The following NAV3 variants were observed in gnomAD, a reference collection of about 807,000 sequenced individuals.
The protein encoded by NAV3 is neuron navigator 3.
NAV3 carries 87 observed loss-of-function variants against 244.7 expected under a neutral mutation model. The ratio of observed to expected loss-of-function variants is 0.36; its 90% CI spans 0.30 to 0.42. NAV3 has a LOEUF of 0.42. NAV3 is among the 20% of genes least tolerant of loss of function. NAV3 has a pLI of 1.00. For synonymous variants in NAV3, 1,126 were observed against 1,042.2 expected (o/e 1.08, Z -1.55); for missense variants, 2,663 against 2,893.3 (o/e 0.92, Z 1.83).
Position 78,177,260 on chromosome 12 carries a change from T to C in NAV3, c.5244T>C (p.His1748=). 2 of 1,613,592 alleles carry C rather than the reference T, an allele frequency of 1.2e-6. No homozygotes were observed. The highest frequency in any genetic ancestry group is 1.3e-5 in the African/African-American group (1 of 75,010). Residue 1748 remains histidine (H), a synonymous_variant, in exon 27 of 40, where the codon CAT becomes CAC. Coordinates refer to ENST00000397909, the MANE Select transcript of NAV3 (RefSeq NM_001024383.2). The part of the protein sequence containing the change: ...SSLPASPKLP[H]NAGDCGSASM... ...TTCCGGCATCCCCCAAGTTACCCCA[T>C]AATGCTGGTGACTGTGGCTCAGCAT...
intron 2 of NAV3, among the ~76,000 whole-genome samples, chr12:77,626,368 A>G (rs919299121): frequency 1.3e-5 from 2 of 152,146 alleles, no homozygotes; most frequent in Non-Finnish European, 2.9e-5. Flanking sequence ...AAGAAGAGAG[A>G]AGGGCATAGA....
intron 22 of NAV3, among the ~76,000 whole-genome samples, chr12:78,150,590 T>C (rs999483718): frequency 6.6e-6 from 1 of 151,104 alleles, no homozygotes; most frequent in Non-Finnish European, 1.5e-5. Context: ...TATTATATGC[T>C]AATGTGTATA....
chr12:77,770,521 C>T (rs1870024815), intron 2 of NAV3, among the ~76,000 whole-genome samples: 1 of 152,158 alleles, frequency 6.6e-6, no homozygotes, highest in South Asian at 2.1e-4. Context: ...GAAATAGACT[C>T]AGAAAGCTGA....
At chr12:78,116,258 A>T (rs1955371815) in intron 12 of NAV3, among the ~76,000 whole-genome samples, 1 of 152,188 alleles carries the variant, frequency 6.6e-6, no homozygotes, top group South Asian at 2.1e-4. Context: ...ATGAATCTCA[A>T]TATTCTTGGT....
intron 2 of NAV3, among the ~76,000 whole-genome samples, chr12:77,702,092 GT>G (rs1162561030): frequency 6.6e-6 from 1 of 151,790 alleles, no homozygotes. Context: ...AGTTATTAAT[GT>G]TTCCCTTTAT....
chr12:77,778,012 G>T (rs1046178461), intron 2 of NAV3, among the ~76,000 whole-genome samples: 2 of 151,920 alleles, frequency 1.3e-5, no homozygotes, highest in African/African-American at 4.8e-5. Context: ...CACCATGTTG[G>T]TCAGGCTGGT....
At chr12:78,179,383 C>A in intron 28 of NAV3, 146 bp from the exon 29 acceptor site, 1 of 813,956 alleles carries the variant, frequency 1.2e-6, no homozygotes, top group Non-Finnish European at 1.8e-6. Flanking sequence ...TTGTAAAACT[C>A]CTTCTCCTTT....
At chr12:77,816,906 C>T (rs1021618234) in intron 2 of NAV3, among the ~76,000 whole-genome samples, 3 of 152,080 alleles carry the variant, frequency 2.0e-5, no homozygotes, top group Non-Finnish European at 2.9e-5. Context: ...TAAAGCTTGC[C>T]GTTCAGAGAG....
At chr12:78,045,033 T>C (rs1881524460) in intron 9 of NAV3, among the ~76,000 whole-genome samples, 1 of 152,194 alleles carries the variant, frequency 6.6e-6, no homozygotes. Flanking sequence ...TGCTTCCAGC[T>C]TTTGCCCATT....
At chr12:78,081,819 T>G (rs1260162290) in intron 12 of NAV3, among the ~76,000 whole-genome samples, 5 of 152,182 alleles carry the variant, frequency 3.3e-5, no homozygotes, top group Non-Finnish European at 7.4e-5. Context: ...CACTGTGTAT[T>G]TCTGAATCTA....
intron 1 of NAV3, among the ~76,000 whole-genome samples, chr12:77,873,417 AATG>A (rs1401798796): frequency 1.3e-5 from 2 of 151,922 alleles, no homozygotes; most frequent in African/African-American, 4.8e-5. Flanking sequence ...TTTATAATGA[AATG>A]ATATTTCTTA....
chr12:77,837,654 A>C (rs1443658790), intron 1 of NAV3, among the ~76,000 whole-genome samples: 1 of 152,222 alleles, frequency 6.6e-6, no homozygotes, highest in Admixed American at 6.5e-5. Context: ...ATTCTTAACC[A>C]AGAAACTACA....
intron 23 of NAV3, among the ~76,000 whole-genome samples, chr12:78,167,516 CTT>C (rs35389511): frequency 5.5e-5 from 8 of 144,650 alleles, no homozygotes; most frequent in South Asian, 2.2e-4. Context: ...TTAGCATCAT[CTT>C]TTTTTTTTTT....
Position 78,185,626 on chromosome 12 carries a change from T to C in NAV3, c.5718T>C (p.Asp1906=), listed in dbSNP as rs1236766029. The part of the protein sequence containing the change: ...SSDILLDDAG[D]ATGHKDGRSV... ...ATATTTTGCTAGATGATGCTGGTGA[T>C]GCAACTGGACATAAAGATGGCCGCA... Residue 1906 remains aspartate (D), a synonymous_variant, in exon 31 of 40, where the codon GAT becomes GAC. Transcript: ENST00000397909. 6.2e-7 allele frequency: 1 copy of C among 1,608,468 alleles called. No homozygotes were observed. Among genetic ancestry groups the C allele is most frequent in the Non-Finnish European group, 8.5e-7 (1 of 1,177,326 alleles).
At chr12:78,071,013 A>G (rs1952734675) in intron 12 of NAV3, among the ~76,000 whole-genome samples, 1 of 149,866 alleles carries the variant, frequency 6.7e-6, no homozygotes, top group African/African-American at 2.5e-5. Context: ...CAATAAACAT[A>G]CGTGTGCATG....
At chr12:77,827,565 C>G (rs1438209110), upstream of NAV3, among the ~76,000 whole-genome samples, 3 of 152,016 alleles carry the variant, frequency 2.0e-5, no homozygotes, top group Admixed American at 2.0e-4. Flanking sequence ...AAATGACAAC[C>G]AATTTATTTC....
intron 2 of NAV3, among the ~76,000 whole-genome samples, chr12:77,658,131 T>G (rs1190267157): frequency 1.3e-5 from 2 of 152,078 alleles, no homozygotes; most frequent in Non-Finnish European, 2.9e-5. Flanking sequence ...GAGAAAGAAA[T>G]AAAGGGTATT....
At chr12:77,797,797 C>G (rs947702661) in intron 2 of NAV3, among the ~76,000 whole-genome samples, 1 of 151,432 alleles carries the variant, frequency 6.6e-6, no homozygotes, top group Non-Finnish European at 1.5e-5. Flanking sequence ...AAAGATTGTG[C>G]CACTGCACTC....
intron 22 of NAV3, among the ~76,000 whole-genome samples, chr12:78,154,877 C>T (rs1372786946): frequency 6.6e-6 from 1 of 151,920 alleles, no homozygotes; most frequent in Non-Finnish European, 1.5e-5. Context: ...TAAAGATTAT[C>T]ATTAGTAGAA....
Sources: gnomAD v4.1 joint callset for allele counts (sites outside exome capture counted in the v4.1 genomes callset) on GRCh38, gnomAD v4.1.1 for gene constraint, MANE v1.5 for transcripts, NCBI Gene and HGNC (gene_info 2026-07-23, HGNC 2026-07-21) for gene names.